PRELID2: variants seen among roughly 807,000 people sequenced by gnomAD.
PRELID2 encodes the protein PRELI domain containing 2, also known as PRELI domain-containing protein 2.
Under a neutral mutation model 28.4 loss-of-function variants are expected in PRELID2, and 25 were observed. That is an observed-to-expected ratio of 0.88 (90% CI 0.64 to 1.23). PRELID2 has a LOEUF of 1.23. PRELID2 is among the 50% of genes most tolerant of loss of function. The pLI is 0.00. For synonymous variants in PRELID2, 76 were observed against 71.6 expected, an observed-to-expected ratio of 1.06 and a Z score of -0.31; for missense variants, 201 against 214.4, an observed-to-expected ratio of 0.94 and a Z score of 0.39.
intron 1 of PRELID2, among the ~76,000 whole-genome samples, chr5:145,635,111 A>C (rs2149660707): frequency 6.6e-6 from 1 of 152,320 alleles, no homozygotes; most frequent in Middle Eastern, 3.4e-3. Context: ...CCTGATGCAG[A>C]TTTGATCTCT....
At chr5:145,301,832 T>A in the PRELID2 span, among the ~76,000 whole-genome samples, 1 of 152,120 alleles carries the variant, frequency 6.6e-6, no homozygotes, top group African/African-American at 2.4e-5. Context: ...GCCTATTAAG[T>A]TGAATATCCT....
intron 4 of PRELID2, among the ~76,000 whole-genome samples, chr5:145,797,625 A>C (rs1752852761): frequency 6.6e-6 from 1 of 152,140 alleles, no homozygotes; most frequent in Non-Finnish European, 1.5e-5. Flanking sequence ...GAACAGGGGC[A>C]GTCCTCTGTG....
chr5:145,282,779 A>G, the PRELID2 span, among the ~76,000 whole-genome samples: 161 of 152,016 alleles, frequency 1.1e-3, no homozygotes, highest in African/African-American at 3.8e-3. Context: ...TCTGCCTCCC[A>G]CTGTGCTAGG....
the PRELID2 span, among the ~76,000 whole-genome samples, chr5:145,447,752 G>A: frequency 2.6e-3 from 322 of 122,074 alleles, 1 homozygote; most frequent in African/African-American, 9.7e-3. Flanking sequence ...ATAGTTTACT[G>A]AGAATGATGA....
At chr5:145,716,791 C>T (rs1390131734) in intron 1 of PRELID2, among the ~76,000 whole-genome samples, 1 of 152,092 alleles carries the variant, frequency 6.6e-6, no homozygotes, top group Non-Finnish European at 1.5e-5. Context: ...TGCTATGTGC[C>T]TGGCATTGCT....
At chr5:145,470,661 C>A (rs1047693804), downstream of PRELID2, among the ~76,000 whole-genome samples, 17 of 152,074 alleles carry the variant, frequency 1.1e-4, no homozygotes, top group Non-Finnish European at 2.4e-4. Context: ...TGTGAAGATG[C>A]AGCCCTAAAT....
At chr5:145,806,989 T>C (rs1283189587) in intron 4 of PRELID2, among the ~76,000 whole-genome samples, 1 of 152,202 alleles carries the variant, frequency 6.6e-6, no homozygotes, top group Non-Finnish European at 1.5e-5. Context: ...AATGGACTAA[T>C]ACACCATTAT....
intron 1 of PRELID2, among the ~76,000 whole-genome samples, chr5:145,554,875 G>A (rs760452131): frequency 6.6e-6 from 1 of 152,258 alleles, no homozygotes; most frequent in Admixed American, 6.5e-5. Context: ...TCATTCATGG[G>A]TCATCATCAG....
At chr5:145,813,757 G>A (rs888693633) in intron 4 of PRELID2, among the ~76,000 whole-genome samples, 7 of 151,954 alleles carry the variant, frequency 4.6e-5, no homozygotes, top group African/African-American at 1.7e-4. Context: ...GTTTTGGAGA[G>A]GACTGGAACA....
intron 1 of PRELID2, among the ~76,000 whole-genome samples, chr5:145,702,510 T>A (rs1755433503): frequency 6.6e-6 from 1 of 152,196 alleles, no homozygotes; most frequent in Admixed American, 6.5e-5. Flanking sequence ...TGCATCAGGA[T>A]GCTTTCTTTG....
chr5:145,414,777 G>A, the PRELID2 span, among the ~76,000 whole-genome samples: 1 of 152,044 alleles, frequency 6.6e-6, no homozygotes, highest in African/African-American at 2.4e-5. Context: ...TATTTACTTG[G>A]GCATCTCAGC....
rs1210813404 is a variant in PRELID2 at position 145,759,254 on chromosome 5, G to A, written c.*1282C>T. The A allele has an allele frequency of 1.3e-5, 2 of 152,074 alleles. No homozygotes were observed. The highest frequency in any genetic ancestry group is 2.9e-5 in the Non-Finnish European group (2 of 68,016). The allele number at this position is 152,074 out of a possible 1,614,324, so 9.4% of individuals were successfully genotyped here. ...CTGACCTTGTGATCCACCCGCCTCG[G>A]CCTCCCAAAGTACTGGGATTACAGG... On this transcript the variant is annotated 3_prime_UTR_variant, in exon 7 of 7. Transcript: ENST00000683046.
chr5:145,329,604 T>C, the PRELID2 span, among the ~76,000 whole-genome samples: 1 of 152,100 alleles, frequency 6.6e-6, no homozygotes, highest in South Asian at 2.1e-4. Context: ...TGTATAGGAG[T>C]GCTTGTGATT....
intron 1 of PRELID2, among the ~76,000 whole-genome samples, chr5:145,640,459 G>A (rs1162327999): frequency 8.9e-5 from 13 of 145,302 alleles, no homozygotes; most frequent in Non-Finnish European, 1.8e-4. Flanking sequence ...CTGGGCGACA[G>A]AGCGAGACTC....
chr5:145,663,179 G>C (rs1315962109), intron 1 of PRELID2, among the ~76,000 whole-genome samples: 1 of 152,064 alleles, frequency 6.6e-6, no homozygotes, highest in Admixed American at 6.6e-5. Context: ...CTTCTAGCTA[G>C]AGAACCAAGA....
At chr5:145,450,277 A>G in the PRELID2 span, among the ~76,000 whole-genome samples, 1 of 152,204 alleles carries the variant, frequency 6.6e-6, no homozygotes, top group Non-Finnish European at 1.5e-5. Context: ...TTAAACAGAC[A>G]CAACTGAACT....
chr5:145,815,978 G>C (rs1199276480), intron 4 of PRELID2, among the ~76,000 whole-genome samples: 3 of 149,166 alleles, frequency 2.0e-5, no homozygotes, highest in African/African-American at 7.4e-5. Flanking sequence ...CTGAAAAACT[G>C]TTCTCCAAAG....
chr5:145,645,369 T>C (rs1241187891), intron 1 of PRELID2, among the ~76,000 whole-genome samples: 5 of 148,478 alleles, frequency 3.4e-5, no homozygotes, highest in Non-Finnish European at 4.5e-5. Flanking sequence ...TTTTTTGGCT[T>C]TTTGCTTTCC....
At chr5:145,560,267 G>A (rs180740781) in intron 1 of PRELID2, among the ~76,000 whole-genome samples, 64 of 152,264 alleles carry the variant, frequency 4.2e-4, no homozygotes, top group Admixed American at 1.8e-3. Context: ...AATAAGTGCT[G>A]TTCCATCATA....
Sources: gnomAD v4.1 joint callset for allele counts (sites outside exome capture counted in the v4.1 genomes callset) on GRCh38, gnomAD v4.1.1 for gene constraint, MANE v1.5 for transcripts, NCBI Gene and HGNC (gene_info 2026-07-23, HGNC 2026-07-21) for gene names.